KCNT2: variants seen among roughly 807,000 people sequenced by gnomAD.
KCNT2 encodes potassium sodium-activated channel subfamily T member 2.
KCNT2 carries 67 observed loss-of-function variants against 153.8 expected under a neutral mutation model. The observed-to-expected ratio is 0.44, with a 90% CI of 0.36 to 0.53. The LOEUF (loss-of-function observed/expected upper bound fraction) is 0.53, where lower values mean the gene tolerates loss of function less well. Among genes scored for constraint, KCNT2 ranks in the 20% least tolerant of loss-of-function variants. KCNT2 has a pLI of 0.00. For synonymous variants in KCNT2, 500 were observed against 458.8 expected (o/e 1.09, Z -1.15); for missense variants, 975 against 1,354.8 (o/e 0.72, Z 4.40).
chr1:196,306,563 GGA>G (rs1661656936), intron 21 of KCNT2, among the ~76,000 whole-genome samples: 1 of 152,062 alleles, frequency 6.6e-6, no homozygotes. Flanking sequence ...CTCCTGCTGG[GGA>G]GAGTGTGCCC....
chr1:196,540,609 T>C (rs1466394397), intron 1 of KCNT2, among the ~76,000 whole-genome samples: 1 of 152,048 alleles, frequency 6.6e-6, no homozygotes, highest in African/African-American at 2.4e-5. Context: ...TGTGCTAAAG[T>C]GAAAGTAGCA....
chr1:196,326,366 A>G (rs981827731), intron 19 of KCNT2, among the ~76,000 whole-genome samples: 2 of 152,082 alleles, frequency 1.3e-5, no homozygotes, highest in East Asian at 3.9e-4. Context: ...GACAAAAAAA[A>G]AATTGTCCAG....
In KCNT2 at chr1:196,467,805, C is replaced by T. The variant is rs1163520512; in HGVS notation, c.460-19G>A. 1.3e-6 allele frequency: 2 copies of T among 1,497,612 alleles called. No individual in the cohort carries two copies. Among genetic ancestry groups the T allele is most frequent in the South Asian group, 1.2e-5 (1 of 85,524 alleles). 92.8% of individuals were successfully genotyped at this position (1,497,612 alleles called of 1,614,324 possible). On this transcript the variant is annotated intron_variant, in intron 6 of 27. Coordinates refer to ENST00000294725, the MANE Select transcript of KCNT2 (RefSeq NM_198503.5). ...AGAATATCTGGAAAACAAAACAAAACAAAACTAGACTTTTATCTCAAAGCA... is the reference window on the plus strand; with the variant it reads ...AGAATATCTGGAAAACAAAACAAAATAAAACTAGACTTTTATCTCAAAGCA...
intron 12 of KCNT2, among the ~76,000 whole-genome samples, chr1:196,421,616 G>A (rs1673207943): frequency 6.6e-6 from 1 of 152,010 alleles, no homozygotes; most frequent in South Asian, 2.1e-4. Context: ...AGAAAGTGGG[G>A]AGCAGATACT....
chr1:196,414,471 T>C (rs3928857), intron 12 of KCNT2, among the ~76,000 whole-genome samples: 97,732 of 151,496 alleles, frequency 0.65, 31,818 homozygotes, highest in Middle Eastern at 0.77. Flanking sequence ...AAGAATTTTG[T>C]TTAATCTTAT....
At chr1:196,466,577 C>T (rs1282469133) in intron 7 of KCNT2, among the ~76,000 whole-genome samples, 1 of 151,976 alleles carries the variant, frequency 6.6e-6, no homozygotes, top group Non-Finnish European at 1.5e-5. Flanking sequence ...ATATTGAGCC[C>T]TTACTTTGTT....
chr1:196,267,907 G>A (rs952886060), intron 25 of KCNT2, among the ~76,000 whole-genome samples: 7 of 152,134 alleles, frequency 4.6e-5, no homozygotes, highest in Non-Finnish European at 1.0e-4. Context: ...TGGTACTTGA[G>A]CATGTCACTC....
chr1:196,274,561 A>AAT (rs1487235332), intron 25 of KCNT2, among the ~76,000 whole-genome samples: 1 of 151,714 alleles, frequency 6.6e-6, no homozygotes, highest in Non-Finnish European at 1.5e-5. Flanking sequence ...TATAATAGGT[A>AAT]AATTTGTATC....
chr1:196,287,322 C>T (rs947813437), intron 22 of KCNT2, among the ~76,000 whole-genome samples: 1 of 151,956 alleles, frequency 6.6e-6, no homozygotes, highest in South Asian at 2.1e-4. Context: ...ACCTAGTTCT[C>T]GAGGTGTAAC....
In KCNT2 at chr1:196,457,235, C is replaced by T. The variant is rs1676752031; in HGVS notation, c.638+8058G>A. 3.3e-5 allele frequency among the ~76,000 whole-genome samples: 5 copies of T among 151,482 alleles called. No individual in the cohort carries two copies. In the South Asian group the frequency reaches 1.0e-3, roughly 31 times the overall value. ...CCCACAAAAAAACACTGTTCTCACA[C>T]TAAAAATTAAATAATAATAATAATA... On this transcript the variant is annotated intron_variant, in intron 8 of 27. Coordinates refer to ENST00000294725, the MANE Select transcript of KCNT2 (RefSeq NM_198503.5).
chr1:196,552,323 A>G (rs982082925), intron 1 of KCNT2, among the ~76,000 whole-genome samples: 1 of 151,422 alleles, frequency 6.6e-6, no homozygotes, highest in African/African-American at 2.4e-5. Flanking sequence ...TTTATTTGTG[A>G]AATCATGAGT....
chr1:196,270,876 T>C (rs1057297731), intron 25 of KCNT2, among the ~76,000 whole-genome samples: 1 of 151,614 alleles, frequency 6.6e-6, no homozygotes, highest in Non-Finnish European at 1.5e-5. Context: ...ACCTACACAC[T>C]ACAAGGTAGG....
At chr1:196,537,581 G>C (rs924249117) in intron 1 of KCNT2, among the ~76,000 whole-genome samples, 1 of 152,124 alleles carries the variant, frequency 6.6e-6, no homozygotes, top group African/African-American at 2.4e-5. Context: ...ACCTTGGCCA[G>C]TTCCTTCATC....
chr1:196,450,211 T>C (rs1557950058), intron 8 of KCNT2, among the ~76,000 whole-genome samples: 1 of 151,892 alleles, frequency 6.6e-6, no homozygotes, highest in Non-Finnish European at 1.5e-5. Flanking sequence ...ATTGTGTCTT[T>C]CATCCCTATA....
intron 26 of KCNT2, among the ~76,000 whole-genome samples, chr1:196,255,413 T>A (rs1656389883): frequency 6.6e-6 from 1 of 151,614 alleles, no homozygotes; most frequent in Admixed American, 6.6e-5. Context: ...TTACAAAAAA[T>A]TAATTAAAAG....
intron 21 of KCNT2, among the ~76,000 whole-genome samples, chr1:196,314,266 C>T (rs893821302): frequency 2.6e-5 from 4 of 151,344 alleles, no homozygotes; most frequent in Non-Finnish European, 5.9e-5. Flanking sequence ...ACCTAGGATC[C>T]TCTTTTATAT....
intron 12 of KCNT2, among the ~76,000 whole-genome samples, chr1:196,411,737 A>G (rs1672354940): frequency 6.6e-6 from 1 of 151,792 alleles, no homozygotes; most frequent in South Asian, 2.1e-4. Flanking sequence ...TAGTTCTAAC[A>G]CTTTTTTCTG....
At chr1:196,245,197 G>C (rs1655329253) in intron 26 of KCNT2, among the ~76,000 whole-genome samples, 1 of 151,996 alleles carries the variant, frequency 6.6e-6, no homozygotes, top group African/African-American at 2.4e-5. Flanking sequence ...TAAACACAAA[G>C]TCCAAGTCTC....
intron 1 of KCNT2, among the ~76,000 whole-genome samples, chr1:196,557,044 G>A (rs138702311): frequency 1.3e-5 from 2 of 151,110 alleles, no homozygotes; most frequent in African/African-American, 4.8e-5. Context: ...AAAAAATATA[G>A]AGTTAGGAAA....
Sources: allele counts gnomAD v4.1 joint callset (sites outside exome capture counted in the v4.1 genomes callset), GRCh38; gene constraint gnomAD v4.1.1; transcripts MANE v1.5; gene names NCBI Gene and HGNC (gene_info 2026-07-23, HGNC 2026-07-21).